The following CCSER1 variants were observed in gnomAD, a reference collection of about 807,000 sequenced individuals.
CCSER1 encodes serine-rich coiled-coil domain-containing protein 1.
In CCSER1, 41 loss-of-function variants were observed where a neutral mutation model predicts 82.0. That is an observed-to-expected ratio of 0.50 (90% CI 0.39 to 0.65). The LOEUF is 0.65. CCSER1 is among the 30% of genes least tolerant of loss of function. The pLI is 0.00. For missense variants in CCSER1, 1,119 were observed against 1,064.2 expected (o/e 1.05, Z -0.72); for synonymous variants, 414 against 383.9 (o/e 1.08, Z -0.92).
chr4:90,709,863 G>T (rs1740168870), intron 6 of CCSER1, among the ~76,000 whole-genome samples: 1 of 151,352 alleles, frequency 6.6e-6, no homozygotes, highest in African/African-American at 2.4e-5. Flanking sequence ...TTACCACATT[G>T]TCTTCCACAA....
chr4:90,976,914 C>T (rs17017842), intron 9 of CCSER1, among the ~76,000 whole-genome samples: 85,948 of 151,264 alleles, frequency 0.57, 26,036 homozygotes, highest in Non-Finnish European at 0.69. Context: ...AGCAAAATTT[C>T]GAACTTCTTT....
At chr4:90,301,005 T>C (rs568087549) in intron 1 of CCSER1, among the ~76,000 whole-genome samples, 20 of 152,110 alleles carry the variant, frequency 1.3e-4, no homozygotes, top group Admixed American at 7.2e-4. Flanking sequence ...AATTTTTTTT[T>C]CTTTTTTTCT....
intron 6 of CCSER1, among the ~76,000 whole-genome samples, chr4:90,662,999 T>A (rs886170217): frequency 6.6e-6 from 1 of 152,210 alleles, no homozygotes; most frequent in Non-Finnish European, 1.5e-5. Context: ...AAAGTGAGAT[T>A]ACCTAATTGC....
chr4:90,474,214 A>G (rs1034542476), intron 5 of CCSER1, among the ~76,000 whole-genome samples: 6 of 152,124 alleles, frequency 3.9e-5, no homozygotes, highest in African/African-American at 1.2e-4. Flanking sequence ...GGGCTGTAGT[A>G]AGAAGTTGTA....
chr4:90,357,250 A>G (rs1012531903), intron 3 of CCSER1, among the ~76,000 whole-genome samples: 3 of 151,974 alleles, frequency 2.0e-5, no homozygotes, highest in African/African-American at 4.8e-5. Flanking sequence ...CATAGCAGGT[A>G]TAGGCCACTT....
chr4:90,936,397 T>C lies in CCSER1; in HGVS notation c.2172+12950T>C, dbSNP rs554682087. Among the ~76,000 whole-genome samples, 99 of 152,306 alleles carry C rather than the reference T, an allele frequency of 6.5e-4. 1 individual carries two copies. Among genetic ancestry groups the C allele is most frequent in the African/African-American group, 2.2e-3 (91 of 41,584 alleles). ...AATGTAGTCACAGGAAGCCATTTGT[T>C]CTCATTAGGTGAACTTTACTATTTC... On this transcript the variant is annotated intron_variant, in intron 9 of 10. Coordinates refer to ENST00000509176, the MANE Select transcript of CCSER1 (RefSeq NM_001145065.2).
intron 7 of CCSER1, among the ~76,000 whole-genome samples, chr4:90,792,211 T>C (rs955133166): frequency 3.9e-5 from 6 of 152,168 alleles, no homozygotes; most frequent in Non-Finnish European, 5.9e-5. Flanking sequence ...AAATTTTATA[T>C]TGATGCTCGA....
Position 90,860,693 on chromosome 4 carries a change from C to G in CCSER1, c.2094+44848C>G, listed in dbSNP as rs145052508. On this transcript the variant is annotated intron_variant, in intron 8 of 10. Transcript: ENST00000509176. ...TTCATACGGTAAAACATTATTCATC[C>G]ATGAAAAATAAAACACTAGAACATG... is the stretch of plus-strand genomic sequence containing the variant. 3.5e-3 allele frequency among the ~76,000 whole-genome samples: 524 copies of G among 151,588 alleles called. 3 individuals are homozygous for G. In the South Asian group the frequency reaches 0.036, roughly 10 times the overall value.
At chr4:91,258,534 A>T (rs1237006153) in intron 10 of CCSER1, among the ~76,000 whole-genome samples, 1 of 152,102 alleles carries the variant, frequency 6.6e-6, no homozygotes, top group Non-Finnish European at 1.5e-5. Context: ...CACTTTAAAC[A>T]TCAGTTGACT....
At position 91,035,615 on chromosome 4, in the gene CCSER1, A is replaced by G. The variant is rs528426992; in HGVS notation, c.2173-50335A>G. Among the ~76,000 whole-genome samples, 7 of 152,262 alleles carry G rather than the reference A, an allele frequency of 4.6e-5. No homozygotes were observed. The South Asian group carries it at 6.2e-4, about 14-fold the overall frequency. ...TTTCATATTTTAAAAAATTTTTACA[A>G]TATAAAACATGGCTTCTATCTTTTT... is the stretch of plus-strand genomic sequence containing the variant. On this transcript the variant is annotated intron_variant, in intron 9 of 10. Coordinates refer to ENST00000509176, the MANE Select transcript of CCSER1 (RefSeq NM_001145065.2).
chr4:90,580,156 T>C (rs1434544251), intron 5 of CCSER1, among the ~76,000 whole-genome samples: 1 of 152,146 alleles, frequency 6.6e-6, no homozygotes, highest in Non-Finnish European at 1.5e-5. Context: ...CATAGGGATA[T>C]ATATAAATAT....
Position 90,793,092 on chromosome 4 carries a change from T to C in CCSER1, c.2011-22670T>C, listed in dbSNP as rs142374979. Among the ~76,000 whole-genome samples, 1,500 of 152,354 alleles carry C rather than the reference T, an allele frequency of 9.8e-3. 20 individuals are homozygous for C. The highest frequency in any genetic ancestry group is 0.018 in the Admixed American group (276 of 15,296). Reference sequence around the variant, plus strand: ...ACACTTCTAGAAGGTAATGGAGATGTGTTTGATGTCTTTGAATACCTTTTT... The same window carrying C: ...ACACTTCTAGAAGGTAATGGAGATGCGTTTGATGTCTTTGAATACCTTTTT... On this transcript the variant is annotated intron_variant, in intron 7 of 10. Coordinates refer to ENST00000509176, the MANE Select transcript of CCSER1 (RefSeq NM_001145065.2).
At chr4:90,838,174 T>C (rs73834564) in intron 8 of CCSER1, among the ~76,000 whole-genome samples, 4,861 of 151,734 alleles carry the variant, frequency 0.032, 267 homozygotes, top group African/African-American at 0.11. Context: ...TATAAGAAAA[T>C]AAATCCTATA....
At chr4:90,694,688 T>G (rs1736662843) in intron 6 of CCSER1, among the ~76,000 whole-genome samples, 1 of 151,974 alleles carries the variant, frequency 6.6e-6, no homozygotes, top group Admixed American at 6.6e-5. Flanking sequence ...CTTTTTTCAG[T>G]CTTATAAAGA....
chr4:91,518,982 G>T (rs2110135005), intron 10 of CCSER1, among the ~76,000 whole-genome samples: 1 of 152,288 alleles, frequency 6.6e-6, no homozygotes, highest in East Asian at 1.9e-4. Context: ...TATTGACTAG[G>T]TCCTTTATTC....
chr4:91,396,956 C>G (rs1752021748), intron 10 of CCSER1, among the ~76,000 whole-genome samples: 2 of 151,996 alleles, frequency 1.3e-5, no homozygotes, highest in Admixed American at 6.6e-5. Context: ...ACAAACACTT[C>G]AAACTCTAAA....
chr4:90,350,285 G>A (rs1375759503), intron 3 of CCSER1, among the ~76,000 whole-genome samples: 3 of 152,054 alleles, frequency 2.0e-5, no homozygotes, highest in Admixed American at 6.5e-5. Flanking sequence ...GATTATTTGC[G>A]AGTGTTATAA....
chr4:90,185,578 G>A (rs1055779413), intron 1 of CCSER1, among the ~76,000 whole-genome samples: 1 of 151,982 alleles, frequency 6.6e-6, no homozygotes, highest in Non-Finnish European at 1.5e-5. Flanking sequence ...TAATAAGGAG[G>A]AAGTGCTGAC....
At chr4:91,543,845 C>T (rs1258024667) in intron 10 of CCSER1, among the ~76,000 whole-genome samples, 1 of 152,158 alleles carries the variant, frequency 6.6e-6, no homozygotes, top group Non-Finnish European at 1.5e-5. Flanking sequence ...TGAATGTTGG[C>T]CTACCTTGCT....
Sources: gnomAD v4.1 joint callset for allele counts (sites outside exome capture counted in the v4.1 genomes callset) on GRCh38, gnomAD v4.1.1 for gene constraint, MANE v1.5 for transcripts, NCBI Gene and HGNC (gene_info 2026-07-23, HGNC 2026-07-21) for gene names.